CHD1: variants seen among roughly 807,000 people sequenced by gnomAD.
CHD1 encodes the protein chromodomain helicase DNA binding protein 1.
In CHD1, 36 loss-of-function variants were observed where a neutral mutation model predicts 224.2. The observed-to-expected ratio is 0.16, with a 90% CI of 0.12 to 0.21. The LOEUF (loss-of-function observed/expected upper bound fraction) is 0.21, where lower values mean the gene tolerates loss of function less well. CHD1 is among the 10% of genes least tolerant of loss of function. The pLI is 1.00. For synonymous variants in CHD1, 668 were observed against 658.3 expected (o/e 1.01, Z -0.23); for missense variants, 1,378 against 1,994.8 (o/e 0.69, Z 5.89).
chr5:98,869,924 C>G (rs762010544), intron 29 of CHD1, 42 bp from the exon 30 acceptor site: 2 of 1,482,128 alleles, frequency 1.3e-6, no homozygotes, highest in Admixed American at 3.8e-5. Context: ...CTACAGATTT[C>G]ATTTTTAAAA....
intron 25 of CHD1, among the ~76,000 whole-genome samples, chr5:98,874,226 AT>A (rs1483245327): frequency 1.3e-5 from 2 of 152,200 alleles, no homozygotes; most frequent in South Asian, 2.1e-4. Flanking sequence ...GAGTAAAAAA[AT>A]AAACTAATTT....
intron 2 of CHD1, among the ~76,000 whole-genome samples, chr5:98,925,836 T>C (rs2112677651): frequency 6.6e-6 from 1 of 151,452 alleles, no homozygotes; most frequent in Non-Finnish European, 1.5e-5. Context: ...CATGTGATTA[T>C]TCAGCACTTG....
chr5:98,918,189 C>G (rs1274514522), intron 2 of CHD1, among the ~76,000 whole-genome samples: 2 of 151,756 alleles, frequency 1.3e-5, no homozygotes, highest in Non-Finnish European at 2.9e-5. Flanking sequence ...TCCCGAGTAG[C>G]TGGGACCACA....
chr5:98,901,430 C>T (rs776846567), intron 5 of CHD1, 95 bp from the exon 6 acceptor site: 9 of 957,580 alleles, frequency 9.4e-6, no homozygotes, highest in South Asian at 1.9e-5. Flanking sequence ...ACTATATTCG[C>T]TATCAAAAAT....
At chr5:98,883,670 G>A (rs1027563304) in intron 18 of CHD1, among the ~76,000 whole-genome samples, 5 of 151,366 alleles carry the variant, frequency 3.3e-5, no homozygotes, top group African/African-American at 4.9e-5. Flanking sequence ...GATTACAGCA[G>A]CACAATTTGC....
intron 4 of CHD1, 63 bp downstream of exon 4, chr5:98,903,729 T>TA: frequency 9.4e-7 from 1 of 1,064,708 alleles, no homozygotes; most frequent in Non-Finnish European, 1.5e-6. Context: ...ATTTCACAAA[T>TA]ACTAGTTAAC....
At position 98,856,420 on chromosome 5, in the gene CHD1, T is replaced by G. The variant is rs758175315; in HGVS notation, c.5093A>C (p.Lys1698Thr). The change falls in exon 36 of 36, where the codon AAA (lysine) becomes ACA (threonine). Residue 1698 changes from lysine (K) to threonine (T), a missense_variant. Physicochemically the swap from Lys to Thr is moderately conservative, Grantham distance 78. Transcript: ENST00000614616. The stretch of plus-strand genomic sequence containing the variant: ...ACTCCAGGTATGCTCCGGTGTACTT[T>G]TGTGTTCAACTGAATGTTCAAATGG... ...RSPFEHSVEH[K>T]STPEHTWSSR... 6.2e-7 allele frequency: 1 copy of G among 1,613,528 alleles called. No individual in the cohort carries two copies. Among genetic ancestry groups the G allele is most frequent in the South Asian group, 1.1e-5 (1 of 91,064 alleles).
chr5:98,857,171 T>C (rs564463642), intron 35 of CHD1, among the ~76,000 whole-genome samples: 1 of 152,282 alleles, frequency 6.6e-6, no homozygotes, highest in East Asian at 1.9e-4. Context: ...CACTGGTTGC[T>C]GATGCCTATT....
At chr5:98,856,873 A>C (rs1032757131) in intron 35 of CHD1, 148 bp from the exon 36 acceptor site, 6 of 613,202 alleles carry the variant, frequency 9.8e-6, no homozygotes, top group African/African-American at 9.2e-5. Context: ...TACTTAATTA[A>C]CTCAAAAATC....
intron 34 of CHD1, 179 bp downstream of exon 34, chr5:98,858,785 A>C: frequency 6.4e-6 from 3 of 466,968 alleles, no homozygotes; most frequent in Non-Finnish European, 1.1e-5. Context: ...CTACAGTTTA[A>C]GAGAATACAT....
intron 17 of CHD1, among the ~76,000 whole-genome samples, chr5:98,887,676 T>C (rs1226895838): frequency 1.3e-5 from 2 of 152,174 alleles, no homozygotes; most frequent in Non-Finnish European, 2.9e-5. Flanking sequence ...CTGTGTCAGA[T>C]AACTATGAGC....
intron 2 of CHD1, among the ~76,000 whole-genome samples, chr5:98,905,738 A>T (rs559916116): frequency 6.6e-6 from 1 of 152,180 alleles, no homozygotes; most frequent in East Asian, 1.9e-4. Flanking sequence ...TGAAATAGCA[A>T]ATTCTCATAT....
At chr5:98,857,596 T>C (rs1388209260) in intron 35 of CHD1, among the ~76,000 whole-genome samples, 3 of 152,098 alleles carry the variant, frequency 2.0e-5, no homozygotes, top group Non-Finnish European at 4.4e-5. Flanking sequence ...GTAGTGATCA[T>C]TAACTACCGA....
At chr5:98,887,394 ATTTTACT>A (rs1274191340) in intron 17 of CHD1, among the ~76,000 whole-genome samples, 18 of 152,064 alleles carry the variant, frequency 1.2e-4, no homozygotes, top group South Asian at 2.1e-4. Context: ...CATTATTATA[ATTTTACT>A]GCTATTTTAC....
intron 7 of CHD1, among the ~76,000 whole-genome samples, chr5:98,900,287 A>G (rs1029262257): frequency 6.6e-6 from 1 of 151,706 alleles, no homozygotes; most frequent in African/African-American, 2.4e-5. Flanking sequence ...GTCACAAAAA[A>G]AAAAAAAAAA....
At chr5:98,881,500 A>T in intron 20 of CHD1, 125 bp from the exon 21 acceptor site, 1 of 543,486 alleles carries the variant, frequency 1.8e-6, no homozygotes, top group South Asian at 3.2e-5. Flanking sequence ...AGACAAATCA[A>T]GTATTAGAAT....
chr5:98,915,796 T>C (rs1002013550), intron 2 of CHD1, among the ~76,000 whole-genome samples: 4 of 152,204 alleles, frequency 2.6e-5, no homozygotes, highest in African/African-American at 9.7e-5. Context: ...TGAAGCTATA[T>C]GGTGTGTACA....
At chr5:98,912,562 T>A (rs1210799683) in intron 2 of CHD1, among the ~76,000 whole-genome samples, 4 of 151,906 alleles carry the variant, frequency 2.6e-5, no homozygotes, top group African/African-American at 9.7e-5. Context: ...TCCCAGCTAC[T>A]CAGGAGGCTG....
At chr5:98,860,451 G>A (rs1580346942) in intron 32 of CHD1, 1 of 252,170 alleles carries the variant, frequency 4.0e-6, no homozygotes, top group Non-Finnish European at 7.9e-6. Context: ...AATACCATCA[G>A]ATAATATGAA....
Sources: gnomAD v4.1 joint callset for allele counts (sites outside exome capture counted in the v4.1 genomes callset) on GRCh38, gnomAD v4.1.1 for gene constraint, MANE v1.5 for transcripts, NCBI Gene and HGNC (gene_info 2026-07-23, HGNC 2026-07-21) for gene names.